C1orf21: variants seen among roughly 807,000 people sequenced by gnomAD.
C1orf21 encodes the protein uncharacterized protein C1orf21.
Under a neutral mutation model 18.7 loss-of-function variants are expected in C1orf21, and 3 were observed. The observed-to-expected ratio is 0.16, with a 90% CI of 0.07 to 0.42. The LOEUF is 0.42. Among genes scored for constraint, C1orf21 ranks in the 10% least tolerant of loss-of-function variants. C1orf21 has a pLI of 0.99. For synonymous variants in C1orf21, 41 were observed against 46.4 expected (o/e 0.88, Z 0.47); for missense variants, 104 against 143.6 (o/e 0.72, Z 1.41).
chr1:184,424,097 CTCCTACTGG>C (rs1656592545), intron 1 of C1orf21, among the ~76,000 whole-genome samples: 2 of 152,112 alleles, frequency 1.3e-5, no homozygotes, highest in Non-Finnish European at 2.9e-5. Flanking sequence ...TTAGGCCTGT[CTCCTACTGG>C]TCCTACTTTT....
chr1:184,411,828 C>T (rs1226483207), intron 1 of C1orf21, among the ~76,000 whole-genome samples: 1 of 152,072 alleles, frequency 6.6e-6, no homozygotes, highest in Non-Finnish European at 1.5e-5. Context: ...GAATCTGGAC[C>T]CAGATGTGAG....
intron 5 of C1orf21, among the ~76,000 whole-genome samples, chr1:184,607,482 A>G (rs552602115): frequency 6.6e-6 from 1 of 152,342 alleles, no homozygotes; most frequent in Admixed American, 6.5e-5. Context: ...TCTTTATTCA[A>G]CAGCCAAAAA....
chr1:184,476,907 G>GT, intron 1 of C1orf21, among the ~76,000 whole-genome samples: 1 of 152,218 alleles, frequency 6.6e-6, no homozygotes, highest in South Asian at 2.1e-4. Flanking sequence ...GATGGCTACC[G>GT]TTTCCTGGCA....
At chr1:184,474,813 T>C (rs1657545848) in intron 1 of C1orf21, among the ~76,000 whole-genome samples, 3 of 152,174 alleles carry the variant, frequency 2.0e-5, no homozygotes, top group Admixed American at 2.0e-4. Flanking sequence ...TATGTGTAAG[T>C]GTGAAGTCGT....
chr1:184,504,121 C>G (rs947287564), intron 2 of C1orf21, among the ~76,000 whole-genome samples: 1 of 152,136 alleles, frequency 6.6e-6, no homozygotes, highest in Non-Finnish European at 1.5e-5. Flanking sequence ...ATCACCCAGG[C>G]GTTGCTTTTA....
chr1:184,410,245 G>A (rs1224013418), intron 1 of C1orf21, among the ~76,000 whole-genome samples: 3 of 152,110 alleles, frequency 2.0e-5, no homozygotes, highest in Non-Finnish European at 2.9e-5. Flanking sequence ...GATGTTTCAA[G>A]AAGTTTGAAT....
At chr1:184,520,621 C>G (rs1449504723) in intron 3 of C1orf21, among the ~76,000 whole-genome samples, 2 of 152,164 alleles carry the variant, frequency 1.3e-5, no homozygotes, top group Non-Finnish European at 2.9e-5. Flanking sequence ...CTCTGCTGGC[C>G]AGGAGATGGC....
intron 1 of C1orf21, among the ~76,000 whole-genome samples, chr1:184,465,598 G>T (rs1657381855): frequency 1.3e-5 from 2 of 152,098 alleles, no homozygotes. Context: ...TGTAATAGAG[G>T]TGATGGGATA....
At chr1:184,603,204 C>T (rs1212048565) in intron 5 of C1orf21, among the ~76,000 whole-genome samples, 1 of 152,230 alleles carries the variant, frequency 6.6e-6, no homozygotes. Flanking sequence ...CATGAGCATG[C>T]ATGAGCCTAG....
intron 1 of C1orf21, among the ~76,000 whole-genome samples, chr1:184,401,005 T>C (rs1656142061): frequency 6.6e-6 from 1 of 152,288 alleles, no homozygotes; most frequent in Non-Finnish European, 1.5e-5. Context: ...GCCTCACCAA[T>C]AGAAAAACAT....
At chr1:184,393,517 G>A (rs1266276690) in intron 1 of C1orf21, among the ~76,000 whole-genome samples, 3 of 152,302 alleles carry the variant, frequency 2.0e-5, no homozygotes, top group East Asian at 3.9e-4. Flanking sequence ...GCACCCCCAA[G>A]TTTAGGGATC....
chr1:184,600,166 G>GT (rs573987191), intron 5 of C1orf21, among the ~76,000 whole-genome samples: 284 of 148,642 alleles, frequency 1.9e-3, no homozygotes, highest in African/African-American at 6.1e-3. Flanking sequence ...TCCAATGTGG[G>GT]TTTTTTTTTT....
intron 3 of C1orf21, among the ~76,000 whole-genome samples, chr1:184,564,510 G>C (rs2101987327): frequency 6.6e-6 from 1 of 152,156 alleles, no homozygotes; most frequent in East Asian, 1.9e-4. Flanking sequence ...GTTTCACCAT[G>C]TTGGCCAGGC....
At chr1:184,444,889 C>T (rs1213604250) in intron 1 of C1orf21, among the ~76,000 whole-genome samples, 2 of 152,108 alleles carry the variant, frequency 1.3e-5, no homozygotes, top group East Asian at 3.9e-4. Context: ...GAGGACTCTT[C>T]CAAGCAAAGA....
chr1:184,537,758 C>T (rs1658581627), intron 3 of C1orf21, among the ~76,000 whole-genome samples: 1 of 152,164 alleles, frequency 6.6e-6, no homozygotes, highest in South Asian at 2.1e-4. Context: ...TCAAGCTACT[C>T]TCCTGCCTCA....
chr1:184,596,145 C>A (rs891704717), intron 4 of C1orf21, among the ~76,000 whole-genome samples: 1 of 152,146 alleles, frequency 6.6e-6, no homozygotes, highest in East Asian at 1.9e-4. Context: ...CCTCTTGTCC[C>A]TCTCATGTGC....
At chr1:184,524,505 A>ATCATGACATTGGC (rs1553254482) in intron 3 of C1orf21, among the ~76,000 whole-genome samples, 5 of 152,150 alleles carry the variant, frequency 3.3e-5, no homozygotes, top group Admixed American at 2.0e-4. Context: ...ATGGAAAAAA[A>ATCATGACATTGGC]TCATGACATT....
intron 3 of C1orf21, among the ~76,000 whole-genome samples, chr1:184,535,448 T>C (rs1557996458): frequency 6.6e-6 from 1 of 152,216 alleles, no homozygotes; most frequent in Non-Finnish European, 1.5e-5. Flanking sequence ...TAAGGTCAGA[T>C]GTTTTTGTGC....
At chr1:184,488,995 G>A (rs1657774899) in intron 2 of C1orf21, among the ~76,000 whole-genome samples, 1 of 151,936 alleles carries the variant, frequency 6.6e-6, no homozygotes, top group Non-Finnish European at 1.5e-5. Flanking sequence ...AACTGTAAAA[G>A]TACTACAAAA....
Sources: allele counts gnomAD v4.1 joint callset (sites outside exome capture counted in the v4.1 genomes callset), GRCh38; gene constraint gnomAD v4.1.1; transcripts MANE v1.5; gene names NCBI Gene and HGNC (gene_info 2026-07-23, HGNC 2026-07-21).